CACNA1A: variants seen among roughly 807,000 people sequenced by gnomAD.
The protein encoded by CACNA1A is calcium voltage-gated channel subunit alpha1 A, also known as voltage-dependent P/Q-type calcium channel subunit alpha-1A.
CACNA1A carries 57 observed loss-of-function variants against 262.4 expected under a neutral mutation model. The observed-to-expected ratio is 0.22, with a 90% CI of 0.18 to 0.27. CACNA1A has a LOEUF of 0.27. Ranked by LOEUF, CACNA1A falls within the 10% of genes least tolerant of loss-of-function variation. CACNA1A has a pLI of 1.00. For missense variants in CACNA1A, 2,526 were observed against 3,562.8 expected, an observed-to-expected ratio of 0.71 and a Z score of 7.41; for synonymous variants, 1,431 against 1,419.3, an observed-to-expected ratio of 1.01 and a Z score of -0.18.
At chr19:13,340,492 T>C (rs1003244131) in intron 6 of CACNA1A, among the ~76,000 whole-genome samples, 1 of 150,506 alleles carries the variant, frequency 6.6e-6, no homozygotes, top group African/African-American at 2.5e-5. Flanking sequence ...AATGGCACTA[T>C]CTTGGCTCAC....
At chr19:13,466,703 A>C (rs11880968) in intron 1 of CACNA1A, among the ~76,000 whole-genome samples, 19,088 of 150,526 alleles carry the variant, frequency 0.13, 1,268 homozygotes, top group African/African-American at 0.17. Context: ...TAATAATAAT[A>C]ATCATCATCA....
At chr19:13,473,252 C>CAA (rs749694968) in intron 1 of CACNA1A, among the ~76,000 whole-genome samples, 4,174 of 99,322 alleles carry the variant, frequency 0.042, 213 homozygotes, top group African/African-American at 0.12. Context: ...GAGGCCCTGA[C>CAA]AAAAAAAAAA....
intron 1 of CACNA1A, among the ~76,000 whole-genome samples, chr19:13,498,689 C>T (rs1015871978): frequency 6.6e-6 from 1 of 152,162 alleles, no homozygotes; most frequent in African/African-American, 2.4e-5. Flanking sequence ...GCCTTAAAGA[C>T]GGCTTCTAAA....
At chr19:13,404,559 A>G (rs1458544200) in intron 3 of CACNA1A, among the ~76,000 whole-genome samples, 4 of 152,288 alleles carry the variant, frequency 2.6e-5, no homozygotes, top group South Asian at 4.1e-4. Flanking sequence ...TGCCCTGAAC[A>G]GGACAGAAAA....
intron 19 of CACNA1A, among the ~76,000 whole-genome samples, chr19:13,296,361 G>A (rs564008953): frequency 6.6e-6 from 1 of 152,230 alleles, no homozygotes; most frequent in South Asian, 2.1e-4. Flanking sequence ...TATAAAAGAG[G>A]ACTAAGAGCA....
intron 6 of CACNA1A, among the ~76,000 whole-genome samples, chr19:13,358,606 T>C (rs149130766): frequency 1.6e-3 from 244 of 152,198 alleles, no homozygotes; most frequent in Middle Eastern, 0.01. Flanking sequence ...TAAATAAACA[T>C]TGGAAGGATA....
At chr19:13,245,618 C>T (rs960511543) in intron 30 of CACNA1A, 1 of 230,906 alleles carries the variant, frequency 4.3e-6, no homozygotes, top group Admixed American at 5.3e-5. Flanking sequence ...CTGAGCTCCT[C>T]ATGAAGATCC....
At chr19:13,243,553 C>CTT (rs1466426581) in intron 31 of CACNA1A, 3 of 151,336 alleles carry the variant, frequency 2.0e-5, no homozygotes, top group African/African-American at 7.3e-5. Context: ...GATCAGTTTT[C>CTT]TTTCTTTCTT....
Position 13,253,069 on chromosome 19 carries a change from G to T in CACNA1A, c.4788C>A (p.Ala1596=). The T allele has an allele frequency of 6.2e-7, 1 of 1,613,528 alleles. No homozygotes were observed. Among genetic ancestry groups the T allele is most frequent in the Non-Finnish European group, 8.5e-7 (1 of 1,179,528 alleles). ...FYGASVAYEN[A]LRVFNIVFTS... ...TGAAGACGATGTTGAACACCCGCAG[G>T]GCATTTTCATAAGCAACAGAAGCCC... Residue 1596 remains alanine (A), a synonymous_variant, in exon 30 of 47, where the codon GCC becomes GCA. Coordinates refer to ENST00000360228, the MANE Select transcript of CACNA1A (RefSeq NM_001127222.2).
intron 3 of CACNA1A, among the ~76,000 whole-genome samples, chr19:13,415,216 AGGCGGGTGTGTGTGC>A (rs1227475766): frequency 5.3e-5 from 8 of 151,770 alleles, no homozygotes; most frequent in Non-Finnish European, 1.2e-4. Flanking sequence ...GACAGAGAGA[AGGCGGGTGTGTGTGC>A]GGCGCGGAAT....
At chr19:13,452,781 C>G in intron 3 of CACNA1A, 95 bp downstream of exon 3, 2 of 1,215,902 alleles carry the variant, frequency 1.6e-6, no homozygotes, top group Non-Finnish European at 2.3e-6. Flanking sequence ...AACACAAGGG[C>G]TCAGCCTTCC....
chr19:13,456,889 A>C (rs937810345), intron 1 of CACNA1A, among the ~76,000 whole-genome samples: 5 of 152,132 alleles, frequency 3.3e-5, no homozygotes, highest in African/African-American at 1.2e-4. Flanking sequence ...AAACAAACAA[A>C]CAAACAGAAA....
intron 1 of CACNA1A, among the ~76,000 whole-genome samples, chr19:13,491,069 CATCGTCCCGCGACAT>C (rs1980822953): frequency 1.3e-5 from 2 of 152,204 alleles, no homozygotes; most frequent in Non-Finnish European, 2.9e-5. Flanking sequence ...GTCCCTTAAC[CATCGTCCCGCGACAT>C]CTCTTGCCCA....
chr19:13,275,994 T>C (rs763763718), intron 23 of CACNA1A, 38 bp from the exon 24 acceptor site: 9 of 1,413,646 alleles, frequency 6.4e-6, no homozygotes, highest in Non-Finnish European at 9.0e-6. Flanking sequence ...AACCCCCACC[T>C]GATCCCCACC....
chr19:13,230,291 C>G (rs148361926), intron 35 of CACNA1A, 82 bp from the exon 36 acceptor site: 41 of 1,478,676 alleles, frequency 2.8e-5, no homozygotes, highest in Middle Eastern at 1.8e-4. Flanking sequence ...TACAGACAGA[C>G]AGACGGACAG....
intron 6 of CACNA1A, among the ~76,000 whole-genome samples, chr19:13,336,708 G>A (rs1235402117): frequency 1.3e-5 from 2 of 151,550 alleles, no homozygotes; most frequent in African/African-American, 4.9e-5. Flanking sequence ...AGCACATTAT[G>A]TATGTTAGCT....
chr19:13,242,301 C>A (rs1036979305), intron 31 of CACNA1A, among the ~76,000 whole-genome samples: 1 of 151,982 alleles, frequency 6.6e-6, no homozygotes, highest in African/African-American at 2.4e-5. Context: ...CTTTTTCTTC[C>A]TTTTCTTTTT....
chr19:13,399,261 G>C (rs2059858888), intron 3 of CACNA1A, among the ~76,000 whole-genome samples: 1 of 152,008 alleles, frequency 6.6e-6, no homozygotes, highest in South Asian at 2.1e-4. Flanking sequence ...GGACTGATCA[G>C]GTTTTTCTCC....
chr19:13,336,588 AGAGAGG>A (rs1201761757), intron 6 of CACNA1A, among the ~76,000 whole-genome samples: 1 of 83,424 alleles, frequency 1.2e-5, no homozygotes, highest in South Asian at 6.8e-4. Context: ...AGACAGAGAG[AGAGAGG>A]GAGAGAGAGA....
Sources: gnomAD v4.1 joint callset for allele counts (sites outside exome capture counted in the v4.1 genomes callset) on GRCh38, gnomAD v4.1.1 for gene constraint, MANE v1.5 for transcripts, NCBI Gene and HGNC (gene_info 2026-07-23, HGNC 2026-07-21) for gene names.